The following PIP4K2C variants were observed in gnomAD, a reference collection of about 807,000 sequenced individuals.
PIP4K2C encodes the protein phosphatidylinositol-5-phosphate 4-kinase type 2 gamma, also known as phosphatidylinositol 5-phosphate 4-kinase type-2 gamma.
In PIP4K2C, 21 loss-of-function variants were observed where a neutral mutation model predicts 45.0. That is an observed-to-expected ratio of 0.47 (90% CI 0.33 to 0.67). The LOEUF (loss-of-function observed/expected upper bound fraction) is 0.67, where lower values mean the gene tolerates loss of function less well. PIP4K2C is among the 30% of genes least tolerant of loss of function. The pLI is 0.02. For missense variants in PIP4K2C, 456 were observed against 542.8 expected (o/e 0.84, Z 1.59); for synonymous variants, 201 against 204.8 (o/e 0.98, Z 0.16).
chr12:57,591,782 C>T (rs905156420), intron 1 of PIP4K2C, among the ~76,000 whole-genome samples: 1 of 152,082 alleles, frequency 6.6e-6, no homozygotes, highest in African/African-American at 2.4e-5. Flanking sequence ...CGGGCGCAAG[C>T]GGGGAGGACA....
chr12:57,594,407 A>G (rs2140184287), intron 2 of PIP4K2C, among the ~76,000 whole-genome samples: 1 of 152,244 alleles, frequency 6.6e-6, no homozygotes, highest in East Asian at 1.9e-4. Flanking sequence ...CATGAGAACC[A>G]TTAGCTTCTG....
In PIP4K2C at chr12:57,599,188, G is replaced by A; in HGVS notation, c.637G>A (p.Val213Met). Reference protein sequence around the residue: ...MRNMFSHRLPVHRKYDLKGSL... With the variant: ...MRNMFSHRLPMHRKYDLKGSL... ...CAATATGTTTAGCCACCGTCTTCCT[G>A]TGCACAGGAAGTATGACCTCAAGGT... Residue 213 changes from valine to methionine, a missense_variant, in exon 5 of 10, where the codon GTG (valine) becomes ATG (methionine). By Grantham distance (21) the Val-to-Met change is conservative (BLOSUM62 1). This residue lies in a region of PIP4K2C where 421 missense variants were observed against 473.1 expected (regional missense o/e 0.89). Transcript: ENST00000354947. 6.2e-7 allele frequency: 1 copy of A among 1,614,182 alleles called. No individual in the cohort carries two copies. Among genetic ancestry groups the A allele is most frequent in the Non-Finnish European group, 8.5e-7 (1 of 1,180,034 alleles).
chr12:57,592,979 AGT>A (rs1017157620), intron 1 of PIP4K2C, among the ~76,000 whole-genome samples: 3 of 149,750 alleles, frequency 2.0e-5, no homozygotes, highest in African/African-American at 7.4e-5. Context: ...GTTGCACTGC[AGT>A]GTGTGTGATT....
At chr12:57,599,540 A>T in intron 6 of PIP4K2C, 102 bp downstream of exon 6, 1 of 1,236,954 alleles carries the variant, frequency 8.1e-7, no homozygotes, top group East Asian at 2.3e-5. Flanking sequence ...AGGAATAGGG[A>T]TTACTAGCTA....
intron 1 of PIP4K2C, 148 bp downstream of exon 1, chr12:57,591,611 T>C (rs1237584736): frequency 2.3e-6 from 2 of 864,244 alleles, no homozygotes; most frequent in Non-Finnish European, 3.4e-6. Flanking sequence ...ACCCCAGGTG[T>C]TCCCCCAGCA....
At chr12:57,593,449 C>T (rs1883047903) in intron 1 of PIP4K2C, among the ~76,000 whole-genome samples, 1 of 30,894 alleles carries the variant, frequency 3.2e-5, no homozygotes, top group Non-Finnish European at 1.0e-4. Context: ...GCTGCTCTTC[C>T]TTTACCTTAC....
chr12:57,601,180 T>C (rs1883421055), intron 8 of PIP4K2C, 65 bp from the exon 9 acceptor site: 5 of 1,588,750 alleles, frequency 3.1e-6, no homozygotes, highest in South Asian at 2.2e-5. Flanking sequence ...AGAACAAAAC[T>C]GACTGCTTCC....
Position 57,599,225 on chromosome 12 carries a change from A to G in PIP4K2C, c.660+14A>G. 6.2e-7 allele frequency: 1 copy of G among 1,613,722 alleles called. No homozygotes were observed. The highest frequency in any genetic ancestry group is 8.5e-7 in the Non-Finnish European group (1 of 1,179,644). ...TATGACCTCAAGGTAAGAAGAGGGT[A>G]GCTCGGACTTAGAGGGAGGCTCCTG... On this transcript the variant is annotated intron_variant, in intron 5 of 9. Transcript: ENST00000354947.
Position 57,600,412 on chromosome 12 carries a change from T to C in PIP4K2C, c.788T>C (p.Leu263Pro). ...GGTGAAGAGGAGAAGAAAATATTTC[T>C]GGAGAAGCTGAAGAGAGATGTGGAG... Reference protein sequence around the residue: ...YIGEEEKKIFLEKLKRDVEFL... With the variant: ...YIGEEEKKIFPEKLKRDVEFL... Residue 263 changes from leucine to proline, a missense_variant, in exon 7 of 10, where the codon CTG becomes CCG. By Grantham distance (98) the Leu-to-Pro change is moderately conservative. Transcript: ENST00000354947. 1.2e-6 allele frequency: 2 copies of C among 1,607,382 alleles called. No individual in the cohort carries two copies. The highest frequency in any genetic ancestry group is 1.7e-6 in the Non-Finnish European group (2 of 1,174,054).
At chr12:57,594,898 G>A (rs1883121227) in intron 2 of PIP4K2C, among the ~76,000 whole-genome samples, 1 of 151,860 alleles carries the variant, frequency 6.6e-6, no homozygotes, top group Admixed American at 6.6e-5. Context: ...TGAACCCGGG[G>A]GATGGAGGTT....
chr12:57,599,326 A>T (rs1185106434), intron 5 of PIP4K2C, 74 bp from the exon 6 acceptor site: 6 of 1,606,818 alleles, frequency 3.7e-6, no homozygotes, highest in Non-Finnish European at 4.3e-6. Flanking sequence ...GGGTTTGAGT[A>T]CTCATCTTAG....
chr12:57,593,670 G>T (rs1038502867), intron 1 of PIP4K2C, among the ~76,000 whole-genome samples: 1 of 107,684 alleles, frequency 9.3e-6, no homozygotes, highest in Admixed American at 1.1e-4. Context: ...CCTTGAGCTT[G>T]CAGAGTTTTT....
At position 57,600,947 on chromosome 12, in the gene PIP4K2C, G is replaced by A; in HGVS notation, c.950G>A (p.Gly317Glu). Residue 317 changes from glycine (G) to glutamate (E), a missense_variant, in exon 8 of 10, where the codon GGA (glycine) becomes GAA (glutamate). Physicochemically the swap from Gly to Glu is moderately conservative, Grantham distance 98. This residue lies in a region of PIP4K2C where 421 missense variants were observed against 473.1 expected (regional missense o/e 0.89). Transcript: ENST00000354947. Reference protein sequence around the residue: ...SEVDGDCSLTGPPALVGSYGT... With the variant: ...SEVDGDCSLTEPPALVGSYGT... ...GTGGATGGGGACTGCAGCCTGACTG[G>A]ACCTCCTGCTCTGGTGGGCTCCTAT... 1 of 1,614,184 alleles carries A rather than the reference G, an allele frequency of 6.2e-7. No homozygotes were observed. The highest frequency in any genetic ancestry group is 8.5e-7 in the Non-Finnish European group (1 of 1,180,040).
intron 4 of PIP4K2C, among the ~76,000 whole-genome samples, chr12:57,598,748 C>T (rs965822948): frequency 2.6e-5 from 4 of 151,996 alleles, no homozygotes; most frequent in African/African-American, 9.7e-5. Context: ...TTCTGTGCCA[C>T]TTGCATATAG....
Position 57,594,031 on chromosome 12 carries a change from G to GGTTT in PIP4K2C, c.181_182insGTTT (p.Glu61GlyfsTer16). 1 of 1,613,602 alleles carries GGTTT rather than the reference G, an allele frequency of 6.2e-7. No individual in the cohort carries two copies. The highest frequency in any genetic ancestry group is 8.5e-7 in the Non-Finnish European group (1 of 1,179,800). The stretch of plus-strand genomic sequence containing the variant: ...TCATGGTTTGGCTTATCAGATCAAT[G>GGTTT]AGCTCAGCCAGGTGCCTCCCCCGGT... On this transcript the variant is annotated frameshift_variant, in exon 2 of 10. Coordinates refer to ENST00000354947, the MANE Select transcript of PIP4K2C (RefSeq NM_024779.5). LOFTEE classifies it high-confidence loss of function.
intron 2 of PIP4K2C, 77 bp from the exon 3 acceptor site, chr12:57,595,049 G>C (rs1032699261): frequency 1.7e-5 from 15 of 902,360 alleles, no homozygotes; most frequent in Non-Finnish European, 2.8e-5. Flanking sequence ...TAATATGTCT[G>C]AAGGTACTTT....
intron 4 of PIP4K2C, 125 bp from the exon 5 acceptor site, chr12:57,598,940 A>T: frequency 9.4e-7 from 1 of 1,064,460 alleles, no homozygotes; most frequent in African/African-American, 1.6e-5. Flanking sequence ...ACCACTTTTG[A>T]CTTTGTAATC....
intron 6 of PIP4K2C, among the ~76,000 whole-genome samples, chr12:57,599,856 C>T (rs189627497): frequency 7.2e-5 from 11 of 152,258 alleles, no homozygotes; most frequent in Admixed American, 6.5e-4. Flanking sequence ...GAGTTCCAGA[C>T]CAGCCTGAGC....
intron 4 of PIP4K2C, 82 bp downstream of exon 4, chr12:57,596,113 C>A: frequency 2.0e-6 from 3 of 1,471,744 alleles, no homozygotes; most frequent in East Asian, 2.3e-5. Context: ...TAGATGCCAA[C>A]TGGGGAGAAA....
Sources: gnomAD v4.1 joint callset for allele counts (sites outside exome capture counted in the v4.1 genomes callset) on GRCh38, gnomAD v4.1.1 for gene constraint, gnomAD v4.1.1 regional missense constraint, MANE v1.5 for transcripts, NCBI Gene and HGNC (gene_info 2026-07-23, HGNC 2026-07-21) for gene names.